Variants in SEPTIN9 observed in about 807,000 individuals in gnomAD.
SEPTIN9 encodes septin-9.
In SEPTIN9, 13 loss-of-function variants were observed where a neutral mutation model predicts 56.6. The observed-to-expected ratio is 0.23, with a 90% CI of 0.15 to 0.37. SEPTIN9 has a LOEUF of 0.37. Among genes scored for constraint, SEPTIN9 ranks in the 10% least tolerant of loss-of-function variants. The pLI, the probability that SEPTIN9 is intolerant of heterozygous loss-of-function variation, is 1.00. For missense variants in SEPTIN9, 650 were observed against 823.1 expected (o/e 0.79, Z 2.57); for synonymous variants, 332 against 334.1 (o/e 0.99, Z 0.07).
chr17:77,388,289 C>T (rs1443559190), intron 2 of SEPTIN9, among the ~76,000 whole-genome samples: 2 of 152,152 alleles, frequency 1.3e-5, no homozygotes, highest in East Asian at 1.9e-4. Flanking sequence ...CCAGGCAGCC[C>T]GTCTTCTGGA....
At chr17:77,461,671 T>C (rs1425443972) in intron 3 of SEPTIN9, among the ~76,000 whole-genome samples, 2 of 152,260 alleles carry the variant, frequency 1.3e-5, no homozygotes, top group East Asian at 1.9e-4. Context: ...ACAAAGTGAT[T>C]GTATTAGGGT....
Position 77,451,483 on chromosome 17 carries a change from C to T in SEPTIN9, c.722-30661C>T, listed in dbSNP as rs2037966746. 8 of 985,826 alleles carry T rather than the reference C, an allele frequency of 8.1e-6. No homozygotes were observed. Among genetic ancestry groups the T allele is most frequent in the Non-Finnish European group, 9.6e-6 (8 of 830,254 alleles). 61.1% of individuals were successfully genotyped at this position (985,826 alleles called of 1,614,324 possible). Reference sequence around the variant, plus strand: ...GAGCCATGTGACCCGGTGGGCGGGCCGCGGCTCTCGGCGCGTCCAGCGCAG... The same window carrying T: ...GAGCCATGTGACCCGGTGGGCGGGCTGCGGCTCTCGGCGCGTCCAGCGCAG... On this transcript the variant is annotated intron_variant, in intron 3 of 11. Coordinates refer to ENST00000427177, the MANE Select transcript of SEPTIN9 (RefSeq NM_001113491.2). The surrounding 1 kb of genome is among the most constrained non-coding windows in gnomAD (Gnocchi z 4.2).
chr17:77,292,195 A>G (rs758172157), intron 1 of SEPTIN9, among the ~76,000 whole-genome samples: 1 of 152,064 alleles, frequency 6.6e-6, no homozygotes, highest in Non-Finnish European at 1.5e-5. Context: ...TACTTGTGCA[A>G]CAGTTTCTTC....
chr17:77,487,165 G>A lies in SEPTIN9; in HGVS notation c.914-259G>A, dbSNP rs1365806166. ...AGAGATGCCGACTCTCCCAGGCCCG[G>A]CTCACCTCTCAGGAGAGGACTGTGG... On this transcript the variant is annotated intron_variant, in intron 4 of 11. Transcript: ENST00000427177. The surrounding 1 kb of genome is among the most constrained non-coding windows in gnomAD (Gnocchi z 4.3). Among the ~76,000 whole-genome samples the A allele has an allele frequency of 6.6e-6, 1 of 152,238 alleles. No homozygotes were observed. The highest frequency in any genetic ancestry group is 2.4e-5 in the African/African-American group (1 of 41,464).
In SEPTIN9 at chr17:77,373,659, G is replaced by A. The variant is rs552249856; in HGVS notation, c.77-28400G>A. On this transcript the variant is annotated intron_variant, in intron 2 of 11. Transcript: ENST00000427177. ...CTGAGGGGAGACGGGAGTGCGCTGA[G>A]GGGAGACGGGACCCCTAATCCAGGC... 1.1e-4 allele frequency: 156 copies of A among 1,469,682 alleles called. No homozygotes were observed. The African/African-American group carries it at 1.8e-3, about 17-fold the overall frequency. 91.0% of individuals were successfully genotyped at this position (1,469,682 alleles called of 1,614,324 possible). A position where few individuals can be genotyped will look rare whatever the true frequency, so the allele number is the denominator to read the frequency against.
rs553628999 is a variant in SEPTIN9 at position 77,326,548 on chromosome 17, G to A, written c.76+19351G>A. Among the ~76,000 whole-genome samples the A allele has an allele frequency of 6.6e-6, 1 of 152,362 alleles. No homozygotes were observed. Among genetic ancestry groups the A allele is most frequent in the South Asian group, 2.1e-4 (1 of 4,834 alleles). On this transcript the variant is annotated intron_variant, in intron 2 of 11. Transcript: ENST00000427177. This position sits in a 1 kb window ranked among gnomAD's most constrained non-coding sequence, Gnocchi z 5.1. The stretch of plus-strand genomic sequence containing the variant: ...TGTTCAAAGGCCCTGGGGCGCGGGG[G>A]GCTGAGGCCGGCAGCACGGCAGGAA...
intron 4 of SEPTIN9, among the ~76,000 whole-genome samples, chr17:77,486,490 G>GTA (rs2039786444): frequency 2.3e-5 from 2 of 87,844 alleles, no homozygotes; most frequent in Non-Finnish European, 4.4e-5. Context: ...CTGGAGGGGT[G>GTA]TGTGTGTGTG....
chr17:77,350,610 A>AGTGT (rs57851361), intron 2 of SEPTIN9, among the ~76,000 whole-genome samples: 3,406 of 149,456 alleles, frequency 0.023, 131 homozygotes, highest in African/African-American at 0.077. Flanking sequence ...CCTCCAGTGC[A>AGTGT]GTGTGTGTGT....
chr17:77,415,677 G>T (rs567937750), intron 3 of SEPTIN9, among the ~76,000 whole-genome samples: 1 of 151,946 alleles, frequency 6.6e-6, no homozygotes, highest in South Asian at 2.1e-4. Flanking sequence ...GCTGCCCTGT[G>T]CCCGGCACCG....
chr17:77,297,551 G>T (rs911735359), intron 1 of SEPTIN9, among the ~76,000 whole-genome samples: 8 of 152,212 alleles, frequency 5.3e-5, no homozygotes, highest in Admixed American at 2.0e-4. Context: ...AAGAATCGTG[G>T]TTGCATGGTG....
intron 1 of SEPTIN9, among the ~76,000 whole-genome samples, chr17:77,288,577 C>T (rs1358460248): frequency 6.6e-6 from 1 of 152,268 alleles, no homozygotes; most frequent in Non-Finnish European, 1.5e-5. Context: ...ACAGCCTTCC[C>T]ATGAACTATG....
chr17:77,434,878 T>C lies in SEPTIN9; in HGVS notation c.721+32175T>C, dbSNP rs1379706653. Among the ~76,000 whole-genome samples the C allele has an allele frequency of 2.0e-5, 3 of 151,998 alleles. No homozygotes were observed. In the East Asian group the frequency reaches 5.8e-4, roughly 29 times the overall value. On this transcript the variant is annotated intron_variant, in intron 3 of 11. Transcript: ENST00000427177. This position sits in a 1 kb window ranked among gnomAD's most constrained non-coding sequence, Gnocchi z 5.0. ...GAGTGAACTTCAGCTGTTGTTGCCA[T>C]AGCTGGAGGGAAGAGGGGAAAGGAG... is the stretch of plus-strand genomic sequence containing the variant.
In SEPTIN9 at chr17:77,488,853, C is replaced by T. The variant is rs759744796; in HGVS notation, c.1251C>T (p.Ala417=). 20 of 1,613,588 alleles carry T rather than the reference C, an allele frequency of 1.2e-5. No individual in the cohort carries two copies. In the African/African-American group the frequency reaches 2.7e-4, roughly 22 times the overall value. ...RVHCCLYFIP[A]TGHSLRPLDI... ...ACTGCTGCCTCTACTTCATCCCCGC[C>T]ACCGGCCACTCGTACGTCCCTGCAG... Residue 417 remains alanine (A), a synonymous_variant, in exon 7 of 12, where the codon GCC becomes GCT. Transcript: ENST00000427177.
Position 77,451,375 on chromosome 17 carries a change from G to C in SEPTIN9, c.722-30769G>C. ...CGAGCCTCCCTTCCCAGGCAGTCGAGGTCCCTCCCTACCTCTGCCCCGCGC... is the reference window on the plus strand; with the variant it reads ...CGAGCCTCCCTTCCCAGGCAGTCGACGTCCCTCCCTACCTCTGCCCCGCGC... On this transcript the variant is annotated intron_variant, in intron 3 of 11. Coordinates refer to ENST00000427177, the MANE Select transcript of SEPTIN9 (RefSeq NM_001113491.2). The surrounding 1 kb of genome is among the most constrained non-coding windows in gnomAD (Gnocchi z 4.2). 1 of 985,828 alleles carries C rather than the reference G, an allele frequency of 1.0e-6. No individual in the cohort carries two copies. 61.1% of individuals were successfully genotyped at this position (985,828 alleles called of 1,614,324 possible). A position where few individuals can be genotyped will look rare whatever the true frequency, so the allele number is the denominator to read the frequency against.
rs1345630987 is a variant in SEPTIN9 at position 77,400,658 on chromosome 17, C to G, written c.77-1401C>G. The G allele has an allele frequency of 1.3e-5, 2 of 152,380 alleles. No homozygotes were observed. Among genetic ancestry groups the G allele is most frequent in the African/African-American group, 4.8e-5 (2 of 41,432 alleles). The allele number at this position is 152,380 out of a possible 1,614,324, so 9.4% of individuals were successfully genotyped here. On this transcript the variant is annotated intron_variant, in intron 2 of 11. Coordinates refer to ENST00000427177, the MANE Select transcript of SEPTIN9 (RefSeq NM_001113491.2). The surrounding 1 kb of genome is among the most constrained non-coding windows in gnomAD (Gnocchi z 4.1). The stretch of plus-strand genomic sequence containing the variant: ...GGGGGCTGGGGACCAGCTGTCATCC[C>G]TTTTCCTGTGGGCAGGGGAGGCAGT...
intron 2 of SEPTIN9, among the ~76,000 whole-genome samples, chr17:77,390,855 T>C (rs1472475602): frequency 6.6e-6 from 1 of 152,176 alleles, no homozygotes; most frequent in African/African-American, 2.4e-5. Flanking sequence ...GGCGACCGTA[T>C]AACTTACTGT....
intron 4 of SEPTIN9, among the ~76,000 whole-genome samples, chr17:77,486,296 G>A (rs389492): frequency 0.56 from 84,890 of 151,458 alleles, 24,754 homozygotes; most frequent in African/African-American, 0.74. Flanking sequence ...TAGAGACAGG[G>A]TCTCTCTGTG....
Position 77,434,228 on chromosome 17 carries a change from A to C in SEPTIN9, c.721+31525A>C, listed in dbSNP as rs1307435464. On this transcript the variant is annotated intron_variant, in intron 3 of 11. Coordinates refer to ENST00000427177, the MANE Select transcript of SEPTIN9 (RefSeq NM_001113491.2). This position sits in a 1 kb window ranked among gnomAD's most constrained non-coding sequence, Gnocchi z 5.0. ...AAGTGCCCTAGGATACGGTGGCAGG[A>C]CTGGCTGGGGTTCTGGCTCCAGGCC... Among the ~76,000 whole-genome samples, 2 of 152,044 alleles carry C rather than the reference A, an allele frequency of 1.3e-5. No homozygotes were observed. Among genetic ancestry groups the C allele is most frequent in the African/African-American group, 4.8e-5 (2 of 41,380 alleles).
At chr17:77,411,397 CT>C (rs55741267) in intron 3 of SEPTIN9, among the ~76,000 whole-genome samples, 38,782 of 141,888 alleles carry the variant, frequency 0.27, 5,080 homozygotes, top group Admixed American at 0.4. Flanking sequence ...TTTTCTTTTT[CT>C]TTTTTTTTTT....
Sources: gnomAD v4.1 joint callset for allele counts (sites outside exome capture counted in the v4.1 genomes callset) on GRCh38, gnomAD v4.1.1 for gene constraint, Gnocchi (gnomAD v3.1) non-coding constraint, MANE v1.5 for transcripts, NCBI Gene and HGNC (gene_info 2026-07-23, HGNC 2026-07-21) for gene names.